The following MLXIP variants were observed in gnomAD, a reference collection of about 807,000 sequenced individuals.
The protein encoded by MLXIP is MLX interacting protein, also known as MLX-interacting protein.
In MLXIP, 30 loss-of-function variants were observed where a neutral mutation model predicts 87.2. The observed-to-expected ratio is 0.34, with a 90% CI of 0.26 to 0.47. The LOEUF is 0.47. Ranked by LOEUF, MLXIP falls within the 20% of genes least tolerant of loss-of-function variation. The pLI, the probability that MLXIP is intolerant of heterozygous loss-of-function variation, is 1.00. For missense variants in MLXIP, 1,002 were observed against 1,240.1 expected (o/e 0.81, Z 2.88); for synonymous variants, 530 against 514.0 (o/e 1.03, Z -0.42).
intron 1 of MLXIP, among the ~76,000 whole-genome samples, chr12:122,111,898 G>A (rs1013279533): frequency 6.6e-6 from 1 of 152,134 alleles, no homozygotes; most frequent in African/African-American, 2.4e-5. Flanking sequence ...GTGGGGTGCT[G>A]CCTACATTAA....
At chr12:122,139,871 A>C (rs1340157174) in intron 15 of MLXIP, among the ~76,000 whole-genome samples, 1 of 152,094 alleles carries the variant, frequency 6.6e-6, no homozygotes, top group Non-Finnish European at 1.5e-5. Flanking sequence ...ATGGGGTTTC[A>C]CCATTTTGGC....
rs941716929 is a variant in MLXIP, at chr12:122,143,592, A to G, written c.*1780A>G. 2 of 152,480 alleles carry G rather than the reference A, an allele frequency of 1.3e-5. No individual in the cohort carries two copies. The highest frequency in any genetic ancestry group is 4.8e-5 in the African/African-American group (2 of 41,598). 9.4% of individuals were successfully genotyped at this position (152,480 alleles called of 1,614,324 possible). A position where few individuals can be genotyped will look rare whatever the true frequency, so the allele number is the denominator to read the frequency against. On this transcript the variant is annotated 3_prime_UTR_variant, in exon 17 of 17. Transcript: ENST00000319080. ...CCGTGGTAGGAATTCCACCAAGGCC[A>G]GAAGGGAAAAAGGAAGAACCCACCG... is the stretch of plus-strand genomic sequence containing the variant.
At chr12:122,113,982 GC>G (rs1952646645) in intron 1 of MLXIP, among the ~76,000 whole-genome samples, 1 of 126,532 alleles carries the variant, frequency 7.9e-6, no homozygotes. Flanking sequence ...ACTGCACCCG[GC>G]CTTTTTTTTT....
rs761278005 is a variant in MLXIP, at chr12:122,142,209, CCCTCCTGCCA to C, written c.*399_*408del. The C allele has an allele frequency of 3.8e-4, 269 of 701,026 alleles. No homozygotes were observed. The African/African-American group carries it at 4.4e-3, about 11-fold the overall frequency. 43.4% of individuals were successfully genotyped at this position (701,026 alleles called of 1,614,324 possible). A position where few individuals can be genotyped will look rare whatever the true frequency, so the allele number is the denominator to read the frequency against. On this transcript the variant is annotated 3_prime_UTR_variant, in exon 17 of 17. Transcript: ENST00000319080. Reference sequence around the variant, plus strand: ...CTCCTGTCCTGAGGCCCAGCCTTGTCCCTCCTGCCACGTCCTGTCCACATGCATGCCTCTG... The same window carrying C: ...CTCCTGTCCTGAGGCCCAGCCTTGTCCGTCCTGTCCACATGCATGCCTCTG...
Position 122,118,895 on chromosome 12 carries a change from G to A in MLXIP, c.414-8361G>A, listed in dbSNP as rs576826717. Reference sequence around the variant, plus strand: ...AATAAAAAACACATGGGCTGGGCACGGTGGCTCGTGCCTGTAATCCCAGCA... The same window carrying A: ...AATAAAAAACACATGGGCTGGGCACAGTGGCTCGTGCCTGTAATCCCAGCA... On this transcript the variant is annotated intron_variant, in intron 1 of 16. Coordinates refer to ENST00000319080, the MANE Select transcript of MLXIP (RefSeq NM_014938.6). 5.5e-3 allele frequency among the ~76,000 whole-genome samples: 831 copies of A among 151,000 alleles called. 2 individuals are homozygous for A. The highest frequency in any genetic ancestry group is 0.039 in the Middle Eastern group (11 of 282).
At chr12:122,119,514 C>A (rs756429719) in intron 1 of MLXIP, among the ~76,000 whole-genome samples, 55 of 152,132 alleles carry the variant, frequency 3.6e-4, no homozygotes, top group Non-Finnish European at 8.1e-4. Context: ...GCCGCAGCCT[C>A]CCAAATAGCT....
intron 4 of MLXIP, 28 bp downstream of exon 4, chr12:122,129,254 C>A: frequency 6.4e-7 from 1 of 1,572,414 alleles, no homozygotes; most frequent in Non-Finnish European, 8.7e-7. Context: ...TCAGGCAGCC[C>A]GCCTAGGGAG....
At chr12:122,127,151 T>C in intron 1 of MLXIP, 105 bp from the exon 2 acceptor site, 1 of 859,624 alleles carries the variant, frequency 1.2e-6, no homozygotes, top group Non-Finnish European at 1.9e-6. Context: ...TGGCTGGGGG[T>C]GGATCAGTCA....
Position 122,143,197 on chromosome 12 carries a change from T to G in MLXIP, c.*1385T>G, listed in dbSNP as rs1315771597. On this transcript the variant is annotated 3_prime_UTR_variant, in exon 17 of 17. Transcript: ENST00000319080. ...CCTCTCCTCACCCTCCCTCTCTTCC[T>G]GCAGGGCCTGGGAAGGGCTTTGAGG... is the stretch of plus-strand genomic sequence containing the variant. 1 of 152,550 alleles carries G rather than the reference T, an allele frequency of 6.6e-6. No individual in the cohort carries two copies. Among genetic ancestry groups the G allele is most frequent in the Non-Finnish European group, 1.5e-5 (1 of 68,180 alleles). The allele number at this position is 152,550 out of a possible 1,614,324, so 9.4% of individuals were successfully genotyped here. A position where few individuals can be genotyped will look rare whatever the true frequency, so the allele number is the denominator to read the frequency against.
Position 122,129,973 on chromosome 12 carries a change from G to A in MLXIP, c.771G>A (p.Gly257=), listed in dbSNP as rs1238377981. Residue 257 remains glycine (G), a synonymous_variant, in exon 6 of 17, where the codon GGG becomes GGA. Coordinates refer to ENST00000319080, the MANE Select transcript of MLXIP (RefSeq NM_014938.6). ...DDDMLYWHKH[G]DGWKTPVPME... is the part of the protein sequence containing the mutation. ...ACATGCTGTATTGGCACAAGCACGG[G>A]GATGGATGGAAGACCCCCGTCCCCA... The A allele has an allele frequency of 8.7e-6, 14 of 1,613,788 alleles. No homozygotes were observed. The highest frequency in any genetic ancestry group is 1.3e-5 in the African/African-American group (1 of 74,924).
Position 122,142,061 on chromosome 12 carries a change from C to A in MLXIP, c.*249C>A. Reference sequence around the variant, plus strand: ...ACTCAGTGACCTCAGTCACCAACCTCCTCTGCCCTCGGGGCAGCCCACACA... The same window carrying A: ...ACTCAGTGACCTCAGTCACCAACCTACTCTGCCCTCGGGGCAGCCCACACA... On this transcript the variant is annotated 3_prime_UTR_variant, in exon 17 of 17. Coordinates refer to ENST00000319080, the MANE Select transcript of MLXIP (RefSeq NM_014938.6). The A allele has an allele frequency of 1.5e-6, 1 of 675,672 alleles. No homozygotes were observed. Among genetic ancestry groups the A allele is most frequent in the South Asian group, 1.7e-5 (1 of 60,396 alleles). The allele number at this position is 675,672 out of a possible 1,614,324, so 41.9% of individuals were successfully genotyped here. A position where few individuals can be genotyped will look rare whatever the true frequency, so the allele number is the denominator to read the frequency against.
At chr12:122,128,993 T>C (rs6489244) in intron 3 of MLXIP, 144 bp from the exon 4 acceptor site, 316,327 of 668,238 alleles carry the variant, frequency 0.47, 75,892 homozygotes, top group Middle Eastern at 0.6. Context: ...TGGGACGTAC[T>C]TTCTGAGTGA....
chr12:122,084,620 C>G (rs1325189420), intron 1 of MLXIP, among the ~76,000 whole-genome samples: 1 of 152,130 alleles, frequency 6.6e-6, no homozygotes, highest in Non-Finnish European at 1.5e-5. Context: ...GATCTTGGCT[C>G]ACTGCAACCT....
At chr12:122,118,086 CTG>C (rs1952719700) in intron 1 of MLXIP, among the ~76,000 whole-genome samples, 2 of 152,310 alleles carry the variant, frequency 1.3e-5, no homozygotes, top group African/African-American at 4.8e-5. Context: ...AACATAAGCA[CTG>C]TGATACCACA....
intron 1 of MLXIP, among the ~76,000 whole-genome samples, chr12:122,081,181 A>AC (rs1166253838): frequency 1.3e-5 from 2 of 152,142 alleles, no homozygotes; most frequent in Non-Finnish European, 2.9e-5. Context: ...TGGTGCAAGA[A>AC]GCTTATCTTG....
intron 1 of MLXIP, among the ~76,000 whole-genome samples, chr12:122,090,924 C>A (rs1033300275): frequency 2.0e-5 from 3 of 151,818 alleles, no homozygotes. Context: ...CTCATAGACA[C>A]AGAAAGCAGA....
rs745910424 is a variant in MLXIP, at chr12:122,145,936, C to T, written c.*4124C>T. 5 of 152,462 alleles carry T rather than the reference C, an allele frequency of 3.3e-5. No individual in the cohort carries two copies. The highest frequency in any genetic ancestry group is 6.5e-5 in the Admixed American group (1 of 15,286). The allele number at this position is 152,462 out of a possible 1,614,324, so 9.4% of individuals were successfully genotyped here. A position where few individuals can be genotyped will look rare whatever the true frequency, so the allele number is the denominator to read the frequency against. The stretch of plus-strand genomic sequence containing the variant: ...TTCCCTTGTCGCCTGGCCGCTGCCT[C>T]GCCCGCCTGAGGCCTCCTAGCAGGC... On this transcript the variant is annotated 3_prime_UTR_variant, in exon 17 of 17. Coordinates refer to ENST00000319080, the MANE Select transcript of MLXIP (RefSeq NM_014938.6).
rs1034345945 is a variant in MLXIP at position 122,114,927 on chromosome 12, A to T, written c.414-12329A>T. Among the ~76,000 whole-genome samples the T allele has an allele frequency of 4.6e-5, 7 of 151,654 alleles. No homozygotes were observed. The East Asian group carries it at 1.4e-3, about 30-fold the overall frequency. ...CTGCCCGGTTAATTTTTTTATTTTT[A>T]GTAGAGATGGGGTTTCATCATGTTG... On this transcript the variant is annotated intron_variant, in intron 1 of 16. Coordinates refer to ENST00000319080, the MANE Select transcript of MLXIP (RefSeq NM_014938.6).
chr12:122,101,546 A>G (rs539308536), intron 1 of MLXIP, among the ~76,000 whole-genome samples: 18 of 141,126 alleles, frequency 1.3e-4, no homozygotes, highest in Non-Finnish European at 2.0e-4. Flanking sequence ...TCAAGAAGTT[A>G]TTTATTTATT....
Sources: gnomAD v4.1 joint callset for allele counts (sites outside exome capture counted in the v4.1 genomes callset) on GRCh38, gnomAD v4.1.1 for gene constraint, MANE v1.5 for transcripts, NCBI Gene and HGNC (gene_info 2026-07-23, HGNC 2026-07-21) for gene names.